The following TFEC variants were observed in gnomAD, a reference collection of about 807,000 sequenced individuals.
TFEC encodes class E basic helix-loop-helix protein 34.
TFEC carries 31 observed loss-of-function variants against 41.6 expected under a neutral mutation model. That is an observed-to-expected ratio of 0.74 (90% CI 0.56 to 1.01). The LOEUF (loss-of-function observed/expected upper bound fraction) is 1.01. Ranked by LOEUF, TFEC falls within the 50% of genes least tolerant of loss-of-function variation. TFEC has a pLI of 0.00. For synonymous variants in TFEC, 143 were observed against 140.6 expected, an observed-to-expected ratio of 1.02 and a Z score of -0.12; for missense variants, 402 against 404.1, an observed-to-expected ratio of 0.99 and a Z score of 0.04.
In TFEC at chr7:116,096,700, T is replaced by G. The variant is rs762986433; in HGVS notation, c.198+14008A>C. Among the ~76,000 whole-genome samples the G allele has an allele frequency of 2.3e-4, 35 of 152,206 alleles. 1 individual carries two copies. Among genetic ancestry groups the G allele is most frequent in the Non-Finnish European group, 2.9e-4 (20 of 68,024 alleles). The stretch of plus-strand genomic sequence containing the variant: ...TTGAGTTTTGACAGTTCTTTTTTCA[T>G]GAGCTTGTAAAGTCATGTTTGATGA... On this transcript the variant is annotated intron_variant, in intron 3 of 8. Coordinates refer to the TFEC transcript ENST00000484212.
intron 1 of TFEC, among the ~76,000 whole-genome samples, chr7:116,133,219 C>A (rs1432888920): frequency 6.6e-6 from 1 of 151,476 alleles, no homozygotes; most frequent in Non-Finnish European, 1.5e-5. Context: ...AAACTACAAA[C>A]GTGTTATGTA....
intron 3 of TFEC, chr7:115,968,265 AC>A: frequency 6.5e-7 from 1 of 1,529,330 alleles, no homozygotes; most frequent in Non-Finnish European, 8.7e-7. Context: ...TTTTCCTTAA[AC>A]TTGCAAACAA....
intron 1 of TFEC, among the ~76,000 whole-genome samples, chr7:116,008,438 C>T (rs574977915): frequency 6.6e-6 from 1 of 152,048 alleles, no homozygotes; most frequent in Non-Finnish European, 1.5e-5. Context: ...ATATGACAGC[C>T]CTTATTTAAT....
At position 115,939,790 on chromosome 7, in the gene TFEC, G is replaced by A. The variant is rs1192713021; in HGVS notation, c.*761C>T. ...TGCATATGTGTATGTGTATGTTTGT[G>A]TGAAGGGATACAATTCTGGTCCATA... On this transcript the variant is annotated 3_prime_UTR_variant, in exon 8 of 8. Transcript: ENST00000265440. 7 of 152,038 alleles carry A rather than the reference G, an allele frequency of 4.6e-5. No homozygotes were observed. The highest frequency in any genetic ancestry group is 7.4e-5 in the Non-Finnish European group (5 of 67,992). The allele number at this position is 152,038 out of a possible 1,614,324, so 9.4% of individuals were successfully genotyped here.
chr7:116,087,767 A>C (rs1797234432), intron 3 of TFEC, among the ~76,000 whole-genome samples: 1 of 152,076 alleles, frequency 6.6e-6, no homozygotes, highest in Non-Finnish European at 1.5e-5. Context: ...GAAAAAGGAA[A>C]AATTTCCAAC....
At chr7:116,002,594 G>C (rs1459352716) in intron 1 of TFEC, among the ~76,000 whole-genome samples, 1 of 152,136 alleles carries the variant, frequency 6.6e-6, no homozygotes, top group Admixed American at 6.5e-5. Context: ...TAATGAATAA[G>C]ATCTAGTGTT....
chr7:116,144,973 C>A (rs1172562034), intron 1 of TFEC, among the ~76,000 whole-genome samples: 1 of 152,116 alleles, frequency 6.6e-6, no homozygotes, highest in Non-Finnish European at 1.5e-5. Flanking sequence ...TAGATAGATT[C>A]TGTTTCTCTG....
At chr7:116,057,083 C>A (rs62475176) in intron 3 of TFEC, among the ~76,000 whole-genome samples, 20,620 of 151,864 alleles carry the variant, frequency 0.14, 1,865 homozygotes, top group Non-Finnish European at 0.2. Flanking sequence ...AGAAAACTTA[C>A]AGACAAAACA....
At chr7:115,949,446 A>G (rs1791806160) in intron 6 of TFEC, among the ~76,000 whole-genome samples, 1 of 152,140 alleles carries the variant, frequency 6.6e-6, no homozygotes, top group African/African-American at 2.4e-5. Context: ...CTTACTTCAA[A>G]CTATACTACA....
At chr7:116,117,382 C>T (rs1255673490) in intron 1 of TFEC, 1 of 151,762 alleles carries the variant, frequency 6.6e-6, no homozygotes, top group Non-Finnish European at 1.5e-5. Flanking sequence ...ATAGGACAGA[C>T]CTCTCCGTGA....
At chr7:115,976,788 T>A (rs1184560762) in intron 2 of TFEC, among the ~76,000 whole-genome samples, 1 of 152,216 alleles carries the variant, frequency 6.6e-6, no homozygotes, top group East Asian at 1.9e-4. Flanking sequence ...GTGCTTTTCA[T>A]TTGGATACTT....
At chr7:115,984,577 T>A (rs2130676497) in intron 1 of TFEC, 64 bp from the exon 2 acceptor site, 1 of 1,547,894 alleles carries the variant, frequency 6.5e-7, no homozygotes, top group East Asian at 2.3e-5. Flanking sequence ...AGTTCTCCTT[T>A]CCACAATTGC....
At chr7:116,158,289 CT>C (rs1302270723) in intron 1 of TFEC, among the ~76,000 whole-genome samples, 1 of 151,978 alleles carries the variant, frequency 6.6e-6, no homozygotes, top group African/African-American at 2.4e-5. Context: ...GACTATTTCT[CT>C]TTTTTCCCCC....
At chr7:115,948,322 G>C (rs1361505043) in intron 6 of TFEC, among the ~76,000 whole-genome samples, 1 of 151,848 alleles carries the variant, frequency 6.6e-6, no homozygotes, top group African/African-American at 2.4e-5. Context: ...AATAGAAAAA[G>C]AGGGAATCCT....
chr7:115,996,779 T>C (rs893289639), intron 1 of TFEC, among the ~76,000 whole-genome samples: 5 of 151,956 alleles, frequency 3.3e-5, no homozygotes, highest in African/African-American at 1.2e-4. Flanking sequence ...TGAGTGAACA[T>C]TGGGAGTAAC....
chr7:115,964,902 T>C (rs1454743001), intron 3 of TFEC, among the ~76,000 whole-genome samples: 1 of 151,550 alleles, frequency 6.6e-6, no homozygotes, highest in East Asian at 1.9e-4. Context: ...CCTTTATATA[T>C]ACAAAGTTAA....
intron 1 of TFEC, among the ~76,000 whole-genome samples, chr7:116,026,646 G>A (rs1040429669): frequency 6.6e-6 from 1 of 152,192 alleles, no homozygotes; most frequent in Non-Finnish European, 1.5e-5. Flanking sequence ...TATTCCTACT[G>A]TAAGAGTGGA....
intron 1 of TFEC, among the ~76,000 whole-genome samples, chr7:116,134,102 G>T (rs1195920597): frequency 1.3e-5 from 2 of 152,176 alleles, no homozygotes; most frequent in Non-Finnish European, 2.9e-5. Flanking sequence ...TGCTAAGGAT[G>T]TCAACTTAAA....
chr7:116,074,086 A>G (rs1490833087), intron 3 of TFEC, among the ~76,000 whole-genome samples: 2 of 152,020 alleles, frequency 1.3e-5, no homozygotes, highest in East Asian at 1.9e-4. Flanking sequence ...TCTCAGACCT[A>G]ATCATAAGAT....
Sources: gnomAD v4.1 joint callset for allele counts (sites outside exome capture counted in the v4.1 genomes callset) on GRCh38, gnomAD v4.1.1 for gene constraint, MANE v1.5 for transcripts, NCBI Gene and HGNC (gene_info 2026-07-23, HGNC 2026-07-21) for gene names.